Variants in ELOVL5 observed in about 807,000 individuals in gnomAD.
ELOVL5 encodes the protein ELOVL fatty acid elongase 5.
Under a neutral mutation model 38.6 loss-of-function variants are expected in ELOVL5, and 8 were observed. That is an observed-to-expected ratio of 0.21 (90% CI 0.12 to 0.37). The LOEUF is 0.37. Among genes scored for constraint, ELOVL5 ranks in the 10% least tolerant of loss-of-function variants. ELOVL5 has a pLI of 1.00. For missense variants in ELOVL5, 280 were observed against 367.8 expected (o/e 0.76, Z 1.95); for synonymous variants, 127 against 133.7 (o/e 0.95, Z 0.34).
At chr6:53,325,291 A>C (rs1768492978) in intron 1 of ELOVL5, among the ~76,000 whole-genome samples, 1 of 152,202 alleles carries the variant, frequency 6.6e-6, no homozygotes, top group Non-Finnish European at 1.5e-5. Flanking sequence ...ATGATTCTTC[A>C]ATCTAAAACA....
At chr6:53,318,282 T>A (rs377326939) in intron 1 of ELOVL5, among the ~76,000 whole-genome samples, 10 of 152,350 alleles carry the variant, frequency 6.6e-5, no homozygotes, top group African/African-American at 1.9e-4. Flanking sequence ...GAATCCACGT[T>A]AACCCTTCTA....
At chr6:53,347,806 A>C (rs1769626173) in intron 1 of ELOVL5, among the ~76,000 whole-genome samples, 1 of 151,606 alleles carries the variant, frequency 6.6e-6, no homozygotes, top group African/African-American at 2.4e-5. Context: ...CTTAATTCAC[A>C]ATTGTGGATG....
chr6:53,325,877 C>G (rs966142647), intron 1 of ELOVL5, among the ~76,000 whole-genome samples: 1 of 152,170 alleles, frequency 6.6e-6, no homozygotes, highest in Non-Finnish European at 1.5e-5. Flanking sequence ...TCCACTCGAC[C>G]AGAAAACCAA....
chr6:53,340,819 C>T (rs1769291720), intron 1 of ELOVL5, among the ~76,000 whole-genome samples: 2 of 152,220 alleles, frequency 1.3e-5, no homozygotes, highest in South Asian at 4.1e-4. Flanking sequence ...TCAAGCTATA[C>T]ATGACTTGTA....
intron 1 of ELOVL5, among the ~76,000 whole-genome samples, chr6:53,342,682 T>G (rs1220835313): frequency 6.6e-6 from 1 of 152,204 alleles, no homozygotes; most frequent in Non-Finnish European, 1.5e-5. Context: ...AGAGAAAGCA[T>G]GCCAGTATCA....
At chr6:53,296,029 A>G (rs1037519933) in intron 1 of ELOVL5, among the ~76,000 whole-genome samples, 4 of 152,168 alleles carry the variant, frequency 2.6e-5, no homozygotes, top group Non-Finnish European at 5.9e-5. Context: ...CTGGAATGAG[A>G]GGTGGCAGAC....
chr6:53,340,950 T>C (rs764967764), intron 1 of ELOVL5, among the ~76,000 whole-genome samples: 1 of 152,158 alleles, frequency 6.6e-6, no homozygotes, highest in Non-Finnish European at 1.5e-5. Flanking sequence ...CGTATATACC[T>C]TGTAAATCAA....
intron 5 of ELOVL5, 37 bp downstream of exon 5, chr6:53,275,053 C>G: frequency 6.2e-7 from 1 of 1,603,792 alleles, no homozygotes; most frequent in Non-Finnish European, 8.5e-7. Flanking sequence ...CCTCCCTGCT[C>G]ACACCTGTTC....
At chr6:53,287,849 G>C in intron 3 of ELOVL5, 2 of 1,534,970 alleles carry the variant, frequency 1.3e-6, no homozygotes, top group East Asian at 2.4e-5. Context: ...CATGTGCACT[G>C]CACAACACTG....
chr6:53,332,201 A>G (rs1768834741), intron 1 of ELOVL5, among the ~76,000 whole-genome samples: 1 of 152,138 alleles, frequency 6.6e-6, no homozygotes, highest in Non-Finnish European at 1.5e-5. Context: ...AATAACTAGA[A>G]ATACTCTGTG....
chr6:53,324,272 A>G (rs1239413048), intron 1 of ELOVL5, among the ~76,000 whole-genome samples: 1 of 151,482 alleles, frequency 6.6e-6, no homozygotes, highest in Admixed American at 6.6e-5. Context: ...AAAAAAAAAA[A>G]AAAGAAAAAA....
intron 6 of ELOVL5, among the ~76,000 whole-genome samples, chr6:53,271,257 A>G (rs559337878): frequency 6.6e-6 from 1 of 152,384 alleles, no homozygotes; most frequent in East Asian, 1.9e-4. Context: ...TGTTTTAAAA[A>G]GGGCTAGGCT....
intron 1 of ELOVL5, among the ~76,000 whole-genome samples, chr6:53,324,270 A>AAAAAAAAAAAAAAAAAAAAG (rs1768421674): frequency 1.4e-5 from 2 of 139,124 alleles, no homozygotes; most frequent in African/African-American, 2.7e-5. Context: ...AAAAAAAAAA[A>AAAAAAAAAAAAAAAAAAAAG]AAAAAGAAAA....
At chr6:53,344,617 T>C (rs1045746391) in intron 1 of ELOVL5, among the ~76,000 whole-genome samples, 21 of 152,170 alleles carry the variant, frequency 1.4e-4, no homozygotes, top group Non-Finnish European at 2.5e-4. Flanking sequence ...ACCTGTAAAA[T>C]GGGAATGCTG....
chr6:53,325,999 AG>A (rs1181152378), intron 1 of ELOVL5, among the ~76,000 whole-genome samples: 1 of 152,218 alleles, frequency 6.6e-6, no homozygotes, highest in Non-Finnish European at 1.5e-5. Flanking sequence ...GCATTTGGCC[AG>A]GTTATTAAGG....
intron 1 of ELOVL5, among the ~76,000 whole-genome samples, chr6:53,345,894 CTTT>C (rs1229594184): frequency 3.3e-5 from 5 of 152,106 alleles, no homozygotes; most frequent in African/African-American, 7.2e-5. Flanking sequence ...CCTAGAGATT[CTTT>C]TTTATTTTTC....
chr6:53,304,456 A>G lies in ELOVL5; in HGVS notation c.-8-8749T>C, dbSNP rs1268143712. Among the ~76,000 whole-genome samples the G allele has an allele frequency of 2.7e-5, 4 of 150,824 alleles. No homozygotes were observed. In the East Asian group the frequency reaches 7.7e-4, roughly 29 times the overall value. On this transcript the variant is annotated intron_variant, in intron 1 of 7. Coordinates refer to ENST00000304434, the MANE Select transcript of ELOVL5 (RefSeq NM_021814.5). ...CACCTCTTTTATTTTATTTTATTTT[A>G]TTTTATTTTATTGATCATTCTTGGG...
intron 1 of ELOVL5, among the ~76,000 whole-genome samples, chr6:53,334,966 G>T (rs554731623): frequency 1.1e-4 from 17 of 152,274 alleles, no homozygotes; most frequent in African/African-American, 3.6e-4. Context: ...ATAGAGAAAT[G>T]ATATCTGGTG....
chr6:53,278,434 G>A (rs1766223373), intron 3 of ELOVL5, among the ~76,000 whole-genome samples: 1 of 152,162 alleles, frequency 6.6e-6, no homozygotes, highest in Admixed American at 6.5e-5. Context: ...CTCAGCAGAA[G>A]GGACTCTTGG....
Sources: allele counts gnomAD v4.1 joint callset (sites outside exome capture counted in the v4.1 genomes callset), GRCh38; gene constraint gnomAD v4.1.1; transcripts MANE v1.5; gene names NCBI Gene and HGNC (gene_info 2026-07-23, HGNC 2026-07-21).